Variants in PTGER3 observed in about 807,000 individuals in gnomAD.
The protein encoded by PTGER3 is prostaglandin E2 receptor EP3 subtype.
Under a neutral mutation model 34.7 loss-of-function variants are expected in PTGER3, and 22 were observed. The ratio of observed to expected loss-of-function variants is 0.63; its 90% CI spans 0.45 to 0.91. The LOEUF (loss-of-function observed/expected upper bound fraction) is 0.91, where lower values mean the gene tolerates loss of function less well. Among genes scored for constraint, PTGER3 ranks in the 40% least tolerant of loss-of-function variants. The pLI, the probability that PTGER3 is intolerant of heterozygous loss-of-function variation, is 0.00. For synonymous variants in PTGER3, 241 were observed against 230.1 expected (o/e 1.05, Z -0.43); for missense variants, 468 against 519.4 (o/e 0.90, Z 0.96).
intron 2 of PTGER3, among the ~76,000 whole-genome samples, chr1:70,996,762 C>T (rs1656008934): frequency 6.6e-6 from 1 of 151,978 alleles, no homozygotes; most frequent in Admixed American, 6.6e-5. Context: ...CTCCCAGGTT[C>T]ACGCCATTCT....
intron 4 of PTGER3, among the ~76,000 whole-genome samples, chr1:70,940,158 T>C (rs1301535040): frequency 1.3e-5 from 2 of 152,200 alleles, no homozygotes; most frequent in African/African-American, 4.8e-5. Flanking sequence ...AGGGGCAAAA[T>C]GCCACCAGTT....
chr1:70,975,493 T>C (rs995754949), intron 2 of PTGER3, among the ~76,000 whole-genome samples: 9 of 152,220 alleles, frequency 5.9e-5, no homozygotes, highest in African/African-American at 1.9e-4. Flanking sequence ...TCTTTTTTAA[T>C]TGGCTTTCTA....
At chr1:71,006,582 C>A (rs1656987443) in intron 2 of PTGER3, 4 of 980,290 alleles carry the variant, frequency 4.1e-6, no homozygotes, top group East Asian at 2.3e-4. Context: ...GTGTTAAGAA[C>A]AATAATCTTG....
At chr1:70,891,523 GA>G (rs35197475) in intron 4 of PTGER3, among the ~76,000 whole-genome samples, 2,011 of 137,650 alleles carry the variant, frequency 0.015, 23 homozygotes, top group Middle Eastern at 0.037. Context: ...TCTATCTTAA[GA>G]AAAAAAAAAA....
At chr1:70,981,328 TTTCTTTCTTTC>T (rs1654275942) in intron 2 of PTGER3, among the ~76,000 whole-genome samples, 7 of 51,462 alleles carry the variant, frequency 1.4e-4, no homozygotes, top group East Asian at 1.4e-3. Flanking sequence ...TTCTTCTTTC[TTTCTTTCTTTC>T]TTTCTTTCTT....
intron 3 of PTGER3, among the ~76,000 whole-genome samples, chr1:70,972,449 G>C (rs563223954): frequency 9.9e-5 from 15 of 151,616 alleles, no homozygotes; most frequent in Admixed American, 7.2e-4. Flanking sequence ...AATTATTTTC[G>C]CAAACAGTCT....
chr1:71,030,098 C>A (rs573417252), intron 1 of PTGER3, among the ~76,000 whole-genome samples: 7 of 152,166 alleles, frequency 4.6e-5, no homozygotes, highest in South Asian at 2.1e-4. Context: ...ATAAGAGCTG[C>A]AAACTGATTT....
chr1:71,026,726 T>G (rs1283867652), intron 1 of PTGER3, among the ~76,000 whole-genome samples: 1 of 151,978 alleles, frequency 6.6e-6, no homozygotes, highest in African/African-American at 2.4e-5. Flanking sequence ...CTGTTGGACA[T>G]GGCTTCAAAA....
At chr1:70,992,741 G>A (rs2100777132) in intron 2 of PTGER3, among the ~76,000 whole-genome samples, 1 of 152,208 alleles carries the variant, frequency 6.6e-6, no homozygotes, top group Non-Finnish European at 1.5e-5. Context: ...ATTTCCTTTA[G>A]GGCTCAACCA....
intron 4 of PTGER3, among the ~76,000 whole-genome samples, chr1:70,905,775 T>C (rs1291305485): frequency 5.3e-5 from 8 of 152,112 alleles, no homozygotes; most frequent in Non-Finnish European, 1.2e-4. Context: ...GACTTTTCAG[T>C]TAATGCTGAA....
chr1:70,902,975 T>C (rs12039054), intron 4 of PTGER3, among the ~76,000 whole-genome samples: 7,207 of 152,176 alleles, frequency 0.047, 546 homozygotes, highest in South Asian at 0.22. Flanking sequence ...AAAAGAAACT[T>C]TGCATATATA....
chr1:71,035,779 T>G (rs74090216), intron 1 of PTGER3, among the ~76,000 whole-genome samples: 1,738 of 152,352 alleles, frequency 0.011, 41 homozygotes, highest in African/African-American at 0.039. Context: ...TTTTACTCAC[T>G]CTAATCCATC....
intron 4 of PTGER3, among the ~76,000 whole-genome samples, chr1:70,923,252 A>G (rs1647728186): frequency 6.6e-6 from 1 of 151,590 alleles, no homozygotes. Flanking sequence ...TTATTGGTAT[A>G]TGTTCCAAAA....
intron 4 of PTGER3, among the ~76,000 whole-genome samples, chr1:70,873,685 T>A (rs1426552862): frequency 6.6e-6 from 1 of 151,118 alleles, no homozygotes; most frequent in Non-Finnish European, 1.5e-5. Context: ...TCTTGCCCTG[T>A]CACCCAGGCT....
At chr1:70,928,800 C>T (rs1348144659) in intron 4 of PTGER3, among the ~76,000 whole-genome samples, 2 of 151,954 alleles carry the variant, frequency 1.3e-5, no homozygotes, top group African/African-American at 2.4e-5. Flanking sequence ...AAAACAAGTA[C>T]ACAATAGAAA....
At chr1:71,038,886 C>G (rs1452847675) in intron 1 of PTGER3, among the ~76,000 whole-genome samples, 2 of 152,178 alleles carry the variant, frequency 1.3e-5, no homozygotes, top group East Asian at 3.9e-4. Flanking sequence ...AAGATGAAGA[C>G]AACTGAGGGA....
chr1:70,876,628 TG>T (rs1646278440), intron 4 of PTGER3, among the ~76,000 whole-genome samples: 1 of 152,132 alleles, frequency 6.6e-6, no homozygotes, highest in Non-Finnish European at 1.5e-5. Flanking sequence ...AGTTGATTTT[TG>T]TATATGGTAT....
chr1:71,009,867 A>T, intron 2 of PTGER3: 1 of 985,130 alleles, frequency 1.0e-6, no homozygotes, highest in Non-Finnish European at 1.2e-6. Context: ...CTTTCTAACC[A>T]CCGCTCTAGT....
chr1:70,927,695 G>A (rs1292126200), intron 4 of PTGER3, among the ~76,000 whole-genome samples: 3 of 152,074 alleles, frequency 2.0e-5, no homozygotes, highest in Non-Finnish European at 2.9e-5. Context: ...AAGGAGAAGA[G>A]AGCTATGCTG....
Sources: gnomAD v4.1 joint callset for allele counts (sites outside exome capture counted in the v4.1 genomes callset) on GRCh38, gnomAD v4.1.1 for gene constraint, MANE v1.5 for transcripts, NCBI Gene and HGNC (gene_info 2026-07-23, HGNC 2026-07-21) for gene names.